SEPTIN9: variants seen among roughly 807,000 people sequenced by gnomAD.
SEPTIN9 encodes the protein septin 9.
SEPTIN9 carries 13 observed loss-of-function variants against 56.6 expected under a neutral mutation model. That is an observed-to-expected ratio of 0.23 (90% confidence interval 0.15 to 0.37). The LOEUF (loss-of-function observed/expected upper bound fraction) is 0.37. SEPTIN9 is among the 10% of genes least tolerant of loss of function. The probability of loss-of-function intolerance (pLI) is 1.00; values close to 1 mark genes in which losing one functional copy is unlikely to be tolerated. For synonymous variants in SEPTIN9, 332 were observed against 334.1 expected (o/e 0.99, Z 0.07); for missense variants, 650 against 823.1 (o/e 0.79, Z 2.57).
At chr17:77,331,035 G>A (rs1007985238) in intron 2 of SEPTIN9, among the ~76,000 whole-genome samples, 1 of 152,198 alleles carries the variant, frequency 6.6e-6, no homozygotes, top group African/African-American at 2.4e-5. Context: ...AGAGGGATGG[G>A]TATTGCTGTT....
intron 2 of SEPTIN9, among the ~76,000 whole-genome samples, chr17:77,357,909 C>A (rs368893342): frequency 6.6e-6 from 1 of 152,148 alleles, no homozygotes; most frequent in African/African-American, 2.4e-5. Context: ...TAACACTGTG[C>A]GACCCTCAGC....
intron 3 of SEPTIN9, among the ~76,000 whole-genome samples, chr17:77,480,284 C>T (rs1183048646): frequency 2.6e-5 from 4 of 152,202 alleles, no homozygotes; most frequent in African/African-American, 9.6e-5. Flanking sequence ...ATAAACCAGC[C>T]CCCAGTTTCT....
At chr17:77,463,161 T>C (rs1474956078) in intron 3 of SEPTIN9, among the ~76,000 whole-genome samples, 1 of 152,194 alleles carries the variant, frequency 6.6e-6, no homozygotes, top group Non-Finnish European at 1.5e-5. Flanking sequence ...ATGATCTACT[T>C]CAGAGAAGGG....
At chr17:77,395,926 T>C (rs1434892405) in intron 2 of SEPTIN9, among the ~76,000 whole-genome samples, 1 of 152,266 alleles carries the variant, frequency 6.6e-6, no homozygotes, top group Non-Finnish European at 1.5e-5. Flanking sequence ...TAAATCTTTC[T>C]GTACTTCTGA....
Position 77,401,511 on chromosome 17 carries a change from C to T in SEPTIN9, c.77-548C>T, listed in dbSNP as rs568402142. On this transcript the variant is annotated intron_variant, in intron 2 of 11. Transcript: ENST00000427177. Reference sequence around the variant, plus strand: ...CTGTAATCCCAGCACTTTGGGAGGCCGAGGCGGGTGGATCGCTTGAGGTCA... The same window carrying T: ...CTGTAATCCCAGCACTTTGGGAGGCTGAGGCGGGTGGATCGCTTGAGGTCA... Among the ~76,000 whole-genome samples, 2 of 152,002 alleles carry T rather than the reference C, an allele frequency of 1.3e-5. 1 individual carries two copies. The highest frequency in any genetic ancestry group is 4.2e-4 in the South Asian group (2 of 4,818).
chr17:77,315,625 G>C (rs2032670931), intron 2 of SEPTIN9, among the ~76,000 whole-genome samples: 1 of 152,226 alleles, frequency 6.6e-6, no homozygotes, highest in Middle Eastern at 3.2e-3. Flanking sequence ...CCCCCTGGCT[G>C]ACGCAAAGCA....
chr17:77,406,403 G>T (rs1233240845), intron 3 of SEPTIN9, among the ~76,000 whole-genome samples: 3 of 151,942 alleles, frequency 2.0e-5, no homozygotes, highest in Non-Finnish European at 2.9e-5. Flanking sequence ...TGTTTGGCTT[G>T]GGATATAAAT....
In SEPTIN9 at chr17:77,330,903, C is replaced by T. The variant is rs191013232; in HGVS notation, c.76+23706C>T. ...TGGGCTTGGTCTCCCGCAATTCACC[C>T]TGCCCAGCCCCACACAGCTTGTCCC... is the stretch of plus-strand genomic sequence containing the variant. On this transcript the variant is annotated intron_variant, in intron 2 of 11. Coordinates refer to ENST00000427177, the MANE Select transcript of SEPTIN9 (RefSeq NM_001113491.2). The surrounding 1 kb of genome is among the most constrained non-coding windows in gnomAD (Gnocchi z 4.4). Among the ~76,000 whole-genome samples the T allele has an allele frequency of 1.6e-3, 237 of 152,372 alleles. 1 individual carries two copies. The highest frequency in any genetic ancestry group is 2.2e-3 in the Non-Finnish European group (153 of 68,046).
chr17:77,306,065 G>A (rs189925639), intron 1 of SEPTIN9, among the ~76,000 whole-genome samples: 294 of 151,272 alleles, frequency 1.9e-3, no homozygotes, highest in African/African-American at 6.9e-3. Context: ...GTGTGGAGGG[G>A]TGGTGGGGTG....
Position 77,487,995 on chromosome 17 carries a change from G to T in SEPTIN9, c.1043-245G>T, listed in dbSNP as rs2039867547. ...TGGGTCAGTGTCCCGGACCCCTGTGGGCCCCGTCACACTGAGCTCCCCACA... is the reference window on the plus strand; with the variant it reads ...TGGGTCAGTGTCCCGGACCCCTGTGTGCCCCGTCACACTGAGCTCCCCACA... On this transcript the variant is annotated intron_variant, in intron 5 of 11. Transcript: ENST00000427177. This position sits in a 1 kb window ranked among gnomAD's most constrained non-coding sequence, Gnocchi z 4.3. Among the ~76,000 whole-genome samples the T allele has an allele frequency of 6.6e-6, 1 of 152,194 alleles. No individual in the cohort carries two copies. Among genetic ancestry groups the T allele is most frequent in the South Asian group, 2.1e-4 (1 of 4,832 alleles).
intron 3 of SEPTIN9, among the ~76,000 whole-genome samples, chr17:77,464,634 T>A (rs1355416204): frequency 1.3e-5 from 2 of 150,918 alleles, no homozygotes; most frequent in Non-Finnish European, 2.9e-5. Flanking sequence ...GGAGTCTCGC[T>A]CTGTCGCCCA....
At chr17:77,286,572 T>C (rs546842583) in intron 1 of SEPTIN9, 2 of 152,308 alleles carry the variant, frequency 1.3e-5, no homozygotes, top group East Asian at 1.9e-4. Flanking sequence ...TGAGGACCCA[T>C]GGAAGGGGAC....
intron 1 of SEPTIN9, among the ~76,000 whole-genome samples, chr17:77,285,361 C>T (rs1159174530): frequency 6.6e-6 from 1 of 152,164 alleles, no homozygotes; most frequent in Non-Finnish European, 1.5e-5. Flanking sequence ...GCGTCACACC[C>T]CTACTGGCAC....
chr17:77,296,584 ACT>A (rs1200079195), intron 1 of SEPTIN9, among the ~76,000 whole-genome samples: 2 of 152,100 alleles, frequency 1.3e-5, no homozygotes, highest in Non-Finnish European at 2.9e-5. Context: ...GGGTTCAGTG[ACT>A]CTTACCTGTA....
chr17:77,360,339 G>A (rs2034373825), intron 2 of SEPTIN9, among the ~76,000 whole-genome samples: 1 of 152,136 alleles, frequency 6.6e-6, no homozygotes, highest in Admixed American at 6.6e-5. Flanking sequence ...GGGCATTCTA[G>A]ACATACCCCC....
At chr17:77,471,681 G>T (rs557446527) in intron 3 of SEPTIN9, among the ~76,000 whole-genome samples, 1 of 152,328 alleles carries the variant, frequency 6.6e-6, no homozygotes, top group East Asian at 1.9e-4. Context: ...GTGACAGATG[G>T]CCAGTGTCCA....
At chr17:77,376,275 C>T (rs562382628) in intron 2 of SEPTIN9, 91 of 985,940 alleles carry the variant, frequency 9.2e-5, no homozygotes, top group Middle Eastern at 5.2e-4. Flanking sequence ...CAGGCATGCC[C>T]GCCGGGAGTG....
At chr17:77,404,538 C>T (rs2036000975) in intron 3 of SEPTIN9, among the ~76,000 whole-genome samples, 1 of 152,158 alleles carries the variant, frequency 6.6e-6, no homozygotes, top group Non-Finnish European at 1.5e-5. Flanking sequence ...ATGAGCCACC[C>T]AACCCCTTTT....
intron 3 of SEPTIN9, chr17:77,442,183 G>C (rs1219462082): frequency 6.6e-6 from 1 of 152,118 alleles, no homozygotes; most frequent in African/African-American, 2.4e-5. Flanking sequence ...TTGTTCCACT[G>C]TCTCCCCTCT....
Sources: allele counts gnomAD v4.1 joint callset (sites outside exome capture counted in the v4.1 genomes callset), GRCh38; gene constraint gnomAD v4.1.1; non-coding constraint Gnocchi (gnomAD v3.1); transcripts MANE v1.5; gene names NCBI Gene and HGNC (gene_info 2026-07-23, HGNC 2026-07-21).